Variants in KIRREL3 observed in about 807,000 individuals in gnomAD.
KIRREL3 encodes the protein kin of IRRE-like protein 3.
Under a neutral mutation model 89.7 loss-of-function variants are expected in KIRREL3, and 36 were observed. The ratio of observed to expected loss-of-function variants is 0.40; its 90% CI spans 0.31 to 0.53. The LOEUF is 0.53. KIRREL3 is among the 20% of genes least tolerant of loss of function. The pLI, the probability that KIRREL3 is intolerant of heterozygous loss-of-function variation, is 0.49. For missense variants in KIRREL3, 864 were observed against 1,056.6 expected (o/e 0.82, Z 2.53); for synonymous variants, 445 against 441.4 (o/e 1.01, Z -0.10).
intron 8 of KIRREL3, 105 bp from the exon 9 acceptor site, chr11:126,446,991 G>A: frequency 5.0e-6 from 7 of 1,389,852 alleles, no homozygotes; most frequent in African/African-American, 1.4e-5. Flanking sequence ...GGGGGAGGCA[G>A]GCAGTGGGGT....
rs1185875406 is a variant in KIRREL3 at position 127,000,500 on chromosome 11, A to T, written c.10T>A (p.Phe4Ile). The change falls in exon 1 of 17, where the codon TTC becomes ATC. Residue 4 changes from phenylalanine to isoleucine, a missense_variant. Phe to Ile is a conservative substitution (Grantham distance 21). Coordinates refer to ENST00000525144, the MANE Select transcript of KIRREL3 (RefSeq NM_032531.4). The surrounding 1 kb of genome is among the most constrained non-coding windows in gnomAD (Gnocchi z 7.1). The part of the protein sequence containing the change: MKP[F>I]QLDLLFVCFF... ...CAGACGAAGAGCAGATCGAGCTGGA[A>T]GGGTTTCATTCCTTAGCGCAGCGAA... The T allele has an allele frequency of 4.4e-6, 7 of 1,607,510 alleles. No homozygotes were observed. Among genetic ancestry groups the T allele is most frequent in the Non-Finnish European group, 5.9e-6 (7 of 1,177,028 alleles).
chr11:126,500,418 T>C (rs1018119454), intron 4 of KIRREL3, among the ~76,000 whole-genome samples: 1 of 152,202 alleles, frequency 6.6e-6, no homozygotes, highest in Middle Eastern at 3.2e-3. Flanking sequence ...TGAGCCTGGC[T>C]ACAAGCGACT....
At chr11:126,835,178 G>A (rs1943737704) in intron 1 of KIRREL3, among the ~76,000 whole-genome samples, 1 of 152,188 alleles carries the variant, frequency 6.6e-6, no homozygotes, top group South Asian at 2.1e-4. Flanking sequence ...ACAAAGAAGA[G>A]CTGCTTTAGG....
intron 1 of KIRREL3, among the ~76,000 whole-genome samples, chr11:126,819,997 C>T (rs1343723212): frequency 6.6e-6 from 1 of 152,208 alleles, no homozygotes; most frequent in Non-Finnish European, 1.5e-5. Context: ...AGATAGTCAT[C>T]TGAAATTTGA....
At chr11:126,894,443 T>C (rs2134790779) in intron 1 of KIRREL3, among the ~76,000 whole-genome samples, 1 of 145,366 alleles carries the variant, frequency 6.9e-6, no homozygotes. Context: ...GCATGGTGCC[T>C]CATGCTTATG....
upstream of KIRREL3, among the ~76,000 whole-genome samples, chr11:127,002,395 C>A (rs1480963804): frequency 6.6e-6 from 1 of 152,170 alleles, no homozygotes; most frequent in African/African-American, 2.4e-5. Flanking sequence ...AAAGAGGCAG[C>A]CCATTAGCTA....
At chr11:126,786,912 C>A (rs1031690370) in intron 1 of KIRREL3, among the ~76,000 whole-genome samples, 1 of 152,146 alleles carries the variant, frequency 6.6e-6, no homozygotes, top group Admixed American at 6.5e-5. Flanking sequence ...GAGGACAGGG[C>A]ATAGAGCTGG....
rs1215586804 is a variant in KIRREL3, at chr11:126,991,186, G to T, written c.55+9269C>A. Among the ~76,000 whole-genome samples the T allele has an allele frequency of 6.6e-6, 1 of 152,172 alleles. No individual in the cohort carries two copies. Among genetic ancestry groups the T allele is most frequent in the Non-Finnish European group, 1.5e-5 (1 of 68,030 alleles). On this transcript the variant is annotated intron_variant, in intron 1 of 16. Transcript: ENST00000525144. The surrounding 1 kb of genome is among the most constrained non-coding windows in gnomAD (Gnocchi z 5.8). Reference sequence around the variant, plus strand: ...TCTGGTGACCCAAAGGGCATTCAAAGCCTTCCAGAAAGGAACAACTTCCTG... The same window carrying T: ...TCTGGTGACCCAAAGGGCATTCAAATCCTTCCAGAAAGGAACAACTTCCTG...
At position 126,562,988 on chromosome 11, in the gene KIRREL3, C is replaced by A; in HGVS notation, c.56-76G>T. ...TTGTTGGGGGGCCCTCTGCAGGGGG[C>A]TGTGGAGCTTGTTGCTCTTATAAAC... On this transcript the variant is annotated intron_variant, in intron 1 of 16. Transcript: ENST00000525144. This position sits in a 1 kb window ranked among gnomAD's most constrained non-coding sequence, Gnocchi z 4.7. 9.8e-7 allele frequency: 1 copy of A among 1,020,566 alleles called. No homozygotes were observed. The highest frequency in any genetic ancestry group is 1.5e-6 in the Non-Finnish European group (1 of 669,486). 63.2% of individuals were successfully genotyped at this position (1,020,566 alleles called of 1,614,324 possible).
At chr11:126,721,229 C>T (rs1238428523) in intron 1 of KIRREL3, among the ~76,000 whole-genome samples, 2 of 152,112 alleles carry the variant, frequency 1.3e-5, no homozygotes, top group African/African-American at 2.4e-5. Context: ...CAAGACAGCA[C>T]CTTCCTTAAA....
chr11:126,775,399 T>C (rs1351372928), intron 1 of KIRREL3, among the ~76,000 whole-genome samples: 1 of 152,172 alleles, frequency 6.6e-6, no homozygotes, highest in Non-Finnish European at 1.5e-5. Flanking sequence ...GCGGAGGAGA[T>C]GCAGGCTGGT....
Position 126,679,496 on chromosome 11 carries a change from C to T in KIRREL3, c.56-116584G>A, listed in dbSNP as rs143113477. ...GACCTCTGTTTTATAAAGGAGGACA[C>T]GAGTTTTAAGTGTATAAGGTCACAC... On this transcript the variant is annotated intron_variant, in intron 1 of 16. Transcript: ENST00000525144. Among the ~76,000 whole-genome samples, 535 of 152,256 alleles carry T rather than the reference C, an allele frequency of 3.5e-3. 20 individuals are homozygous for T. The highest frequency in any genetic ancestry group is 0.033 in the Admixed American group (509 of 15,284).
rs911669997 is a variant in KIRREL3 at position 126,508,061 on chromosome 11, G to A, written c.433+13254C>T. ...ATAGTCCTTCCTGGGGGGTGGCTGT[G>A]TGGCCATCAGCCTTCTCCTCCCTTT... On this transcript the variant is annotated intron_variant, in intron 4 of 16. Coordinates refer to ENST00000525144, the MANE Select transcript of KIRREL3 (RefSeq NM_032531.4). The surrounding 1 kb of genome is among the most constrained non-coding windows in gnomAD (Gnocchi z 4.9). Among the ~76,000 whole-genome samples, 4 of 152,214 alleles carry A rather than the reference G, an allele frequency of 2.6e-5. No individual in the cohort carries two copies. Among genetic ancestry groups the A allele is most frequent in the Admixed American group, 2.6e-4 (4 of 15,278 alleles).
chr11:126,756,396 T>C (rs548001735), intron 1 of KIRREL3, among the ~76,000 whole-genome samples: 1 of 152,346 alleles, frequency 6.6e-6, no homozygotes, highest in African/African-American at 2.4e-5. Context: ...TTCTAAAACC[T>C]CTGGTGTTGG....
chr11:126,629,381 TG>T (rs1565604627), intron 1 of KIRREL3, among the ~76,000 whole-genome samples: 1 of 151,734 alleles, frequency 6.6e-6, no homozygotes, highest in Admixed American at 6.6e-5. Flanking sequence ...AGTGAAGCTC[TG>T]GGGGGAGCTC....
chr11:126,717,059 C>T (rs1016975389), intron 1 of KIRREL3, among the ~76,000 whole-genome samples: 1 of 152,130 alleles, frequency 6.6e-6, no homozygotes, highest in African/African-American at 2.4e-5. Context: ...TTGATTCTTC[C>T]TCACCCAGGT....
intron 1 of KIRREL3, among the ~76,000 whole-genome samples, chr11:126,584,674 T>C (rs1941730705): frequency 6.6e-6 from 1 of 152,140 alleles, no homozygotes; most frequent in Admixed American, 6.5e-5. Context: ...CTCTGGTGTC[T>C]AACTGGACTG....
In KIRREL3 at chr11:126,655,245, C is replaced by A. The variant is rs994732618; in HGVS notation, c.56-92333G>T. Among the ~76,000 whole-genome samples the A allele has an allele frequency of 6.6e-6, 1 of 152,218 alleles. No individual in the cohort carries two copies. Among genetic ancestry groups the A allele is most frequent in the Admixed American group, 6.5e-5 (1 of 15,280 alleles). On this transcript the variant is annotated intron_variant, in intron 1 of 16. Transcript: ENST00000525144. This position sits in a 1 kb window ranked among gnomAD's most constrained non-coding sequence, Gnocchi z 5.0. ...AATTTTTCCTGATGTCAAAGCCTCA[C>A]CCAGGAGAGCTCTCGCTGTTGCCTG... is the stretch of plus-strand genomic sequence containing the variant.
chr11:126,524,583 A>T (rs930930325), intron 3 of KIRREL3, among the ~76,000 whole-genome samples: 1 of 152,258 alleles, frequency 6.6e-6, no homozygotes, highest in East Asian at 1.9e-4. Flanking sequence ...TGTGCTATCA[A>T]TATGAAGAAG....
Sources: gnomAD v4.1 joint callset for allele counts (sites outside exome capture counted in the v4.1 genomes callset) on GRCh38, gnomAD v4.1.1 for gene constraint, Gnocchi (gnomAD v3.1) non-coding constraint, MANE v1.5 for transcripts, NCBI Gene and HGNC (gene_info 2026-07-23, HGNC 2026-07-21) for gene names.